ABI3BP: variants seen among roughly 807,000 people sequenced by gnomAD.
ABI3BP encodes target of Nesh-SH3.
In ABI3BP, 216 loss-of-function variants were observed where a neutral mutation model predicts 268.6. The observed-to-expected ratio is 0.80, with a 90% confidence interval of 0.72 to 0.90. The LOEUF (loss-of-function observed/expected upper bound fraction) is 0.90. Ranked by LOEUF, ABI3BP falls within the 40% of genes least tolerant of loss-of-function variation. The pLI is 0.00. For synonymous variants in ABI3BP, 730 were observed against 730.0 expected (o/e 1.00, Z 0.00); for missense variants, 2,090 against 2,182.4 (o/e 0.96, Z 0.84).
At chr3:100,956,468 A>G (rs561175945) in intron 1 of ABI3BP, among the ~76,000 whole-genome samples, 1 of 152,066 alleles carries the variant, frequency 6.6e-6, no homozygotes, top group African/African-American at 2.4e-5. Flanking sequence ...AGACCCTCCA[A>G]CTCTGTTCTT....
At chr3:100,809,019 A>G (rs142598173) in intron 49 of ABI3BP, among the ~76,000 whole-genome samples, 78 of 152,226 alleles carry the variant, frequency 5.1e-4, no homozygotes, top group African/African-American at 1.7e-3. Flanking sequence ...AAACTTGCTG[A>G]AAATAAGAGT....
At chr3:100,928,933 T>A (rs2062737290) in intron 1 of ABI3BP, among the ~76,000 whole-genome samples, 1 of 152,072 alleles carries the variant, frequency 6.6e-6, no homozygotes, top group Admixed American at 6.6e-5. Context: ...TTTGCCAGGT[T>A]TTGATAAGAT....
chr3:100,894,938 C>CAAAAAAA (rs58342344), intron 4 of ABI3BP, among the ~76,000 whole-genome samples: 1,029 of 37,680 alleles, frequency 0.027, 183 homozygotes, highest in Middle Eastern at 0.045. Context: ...GATTCCGCTT[C>CAAAAAAA]AAAAAAAAAA....
chr3:100,952,130 T>C (rs2075297519), intron 1 of ABI3BP, among the ~76,000 whole-genome samples: 1 of 152,144 alleles, frequency 6.6e-6, no homozygotes, highest in South Asian at 2.1e-4. Context: ...TGTCTACAAA[T>C]AATTCCTTAA....
At chr3:100,939,676 AC>A (rs1387434345) in intron 1 of ABI3BP, among the ~76,000 whole-genome samples, 1 of 152,114 alleles carries the variant, frequency 6.6e-6, no homozygotes, top group East Asian at 1.9e-4. Context: ...GAACCACAGG[AC>A]CGGGGAGAAA....
Position 100,754,655 on chromosome 3 carries a change from AC to A in ABI3BP, c.4886del (p.Gly1629ValfsTer20). On this transcript the variant is annotated frameshift_variant, in exon 64 of 68. Coordinates refer to ENST00000471714, the MANE Select transcript of ABI3BP (RefSeq NM_001375547.2). LOFTEE classifies it high-confidence loss of function. ...EFQVKPKNPL[G>X]EGPVSNTVAF... ...CCACTGTGTTGCTGACCGGGCCTTC[AC>A]CAAGCGGGTTTTTGGGTTTCACCTG... 6.3e-7 allele frequency: 1 copy of A among 1,593,462 alleles called. No homozygotes were observed. The highest frequency in any genetic ancestry group is 8.6e-7 in the Non-Finnish European group (1 of 1,168,942).
intron 67 of ABI3BP, 140 bp downstream of exon 67, chr3:100,751,412 T>C (rs374289499): frequency 9.3e-5 from 84 of 907,636 alleles, no homozygotes; most frequent in Non-Finnish European, 1.1e-4. Context: ...GAAACTTACA[T>C]TGAAGTCTTC....
chr3:100,789,377 G>T, intron 56 of ABI3BP, 77 bp downstream of exon 56: 1 of 1,372,376 alleles, frequency 7.3e-7, no homozygotes, highest in Non-Finnish European at 1.0e-6. Flanking sequence ...TTCCCCTTTG[G>T]TGTATTTGGC....
At chr3:100,793,425 C>T (rs1411253852) in intron 54 of ABI3BP, among the ~76,000 whole-genome samples, 2 of 151,810 alleles carry the variant, frequency 1.3e-5, no homozygotes, top group African/African-American at 4.8e-5. Context: ...GTTTTCTGTC[C>T]TGCTTTTGTA....
intron 22 of ABI3BP, 58 bp downstream of exon 22, chr3:100,840,762 C>A: frequency 2.2e-6 from 3 of 1,394,506 alleles, no homozygotes; most frequent in Middle Eastern, 1.7e-4. Flanking sequence ...TCTGTCAACA[C>A]AGATACCAGC....
At chr3:100,941,734 A>G (rs1276605946) in intron 1 of ABI3BP, among the ~76,000 whole-genome samples, 1 of 152,190 alleles carries the variant, frequency 6.6e-6, no homozygotes, top group East Asian at 1.9e-4. Flanking sequence ...AAGGAGCAGT[A>G]ACTACATTAC....
chr3:100,971,759 C>T (rs1209360856), intron 1 of ABI3BP, among the ~76,000 whole-genome samples: 2 of 152,188 alleles, frequency 1.3e-5, no homozygotes, highest in African/African-American at 4.8e-5. Flanking sequence ...TTAATAGATG[C>T]TGATGGAAGT....
intron 1 of ABI3BP, among the ~76,000 whole-genome samples, chr3:100,970,189 T>A (rs1330955216): frequency 6.6e-6 from 1 of 152,226 alleles, no homozygotes; most frequent in Non-Finnish European, 1.5e-5. Flanking sequence ...GATCTTGAAC[T>A]ATAATGAGCA....
rs184918427 is a variant in ABI3BP at position 100,847,118 on chromosome 3, T to C, written c.1648+484A>G. 2.5e-3 allele frequency among the ~76,000 whole-genome samples: 381 copies of C among 152,264 alleles called. 3 individuals are homozygous for C. Among genetic ancestry groups the C allele is most frequent in the Non-Finnish European group, 2.5e-3 (168 of 68,018 alleles). ...CCTAATATTTCCAGAATCTGTCACT[T>C]TGGGCCTGTCTACCTAAACACATTT... On this transcript the variant is annotated intron_variant, in intron 19 of 67. Coordinates refer to ENST00000471714, the MANE Select transcript of ABI3BP (RefSeq NM_001375547.2).
At chr3:100,840,033 C>T (rs1050918203) in intron 23 of ABI3BP, 39 bp downstream of exon 23, 5 of 1,459,396 alleles carry the variant, frequency 3.4e-6, no homozygotes, top group African/African-American at 2.8e-5. Context: ...TGCCATATTC[C>T]ACTTTCTATG....
chr3:100,810,531 A>G (rs2097837936), intron 48 of ABI3BP, 54 bp from the exon 49 acceptor site: 4 of 1,266,544 alleles, frequency 3.2e-6, no homozygotes, highest in Non-Finnish European at 4.4e-6. Context: ...ACAGACCTTG[A>G]GTACAGATAA....
chr3:100,808,227 G>T lies in ABI3BP; in HGVS notation c.3616C>A (p.Gln1206Lys). The change falls in exon 50 of 68, where the codon CAG becomes AAG. Residue 1206 changes from glutamine to lysine, a missense_variant. Physicochemically the swap from Gln to Lys is moderately conservative, Grantham distance 53 (BLOSUM62 1). Transcript: ENST00000471714. ...GGCTTAGGAGGAGCACGTGGTGTCT[G>T]CTTGGGAGCTAAAAGAAAGGATATA... ...DEPQTEPAPK[Q>K]TPRAPPKPKT... 1 of 1,609,018 alleles carries T rather than the reference G, an allele frequency of 6.2e-7. No individual in the cohort carries two copies.
intron 19 of ABI3BP, 86 bp downstream of exon 19, chr3:100,847,516 G>A: frequency 8.8e-7 from 1 of 1,142,142 alleles, no homozygotes; most frequent in Non-Finnish European, 1.3e-6. Flanking sequence ...ATCTTAACAG[G>A]TAACAGACAT....
intron 34 of ABI3BP, among the ~76,000 whole-genome samples, chr3:100,827,171 G>T (rs2098402537): frequency 6.6e-6 from 1 of 152,016 alleles, no homozygotes; most frequent in Non-Finnish European, 1.5e-5. Flanking sequence ...TCTTTAATTT[G>T]CAAAAACACC....
Sources: gnomAD v4.1 joint callset for allele counts (sites outside exome capture counted in the v4.1 genomes callset) on GRCh38, gnomAD v4.1.1 for gene constraint, MANE v1.5 for transcripts, NCBI Gene and HGNC (gene_info 2026-07-23, HGNC 2026-07-21) for gene names.